KAZN: variants seen among roughly 807,000 people sequenced by gnomAD.
KAZN encodes the protein kazrin.
In KAZN, 40 loss-of-function variants were observed where a neutral mutation model predicts 87.4. The ratio of observed to expected loss-of-function variants is 0.46; its 90% CI spans 0.36 to 0.60. The LOEUF is 0.60. Among genes scored for constraint, KAZN ranks in the 20% least tolerant of loss-of-function variants. The pLI is 0.00. For synonymous variants in KAZN, 466 were observed against 458.3 expected (o/e 1.02, Z -0.22); for missense variants, 898 against 1,073.9 (o/e 0.84, Z 2.29).
intron 2 of KAZN, among the ~76,000 whole-genome samples, chr1:14,389,529 C>A (rs1359289439): frequency 6.6e-6 from 1 of 152,088 alleles, no homozygotes; most frequent in Non-Finnish European, 1.5e-5. Context: ...ATAAAAAGAA[C>A]AAGATCCTGT....
chr1:14,337,833 A>G (rs1657382071), intron 2 of KAZN, among the ~76,000 whole-genome samples: 1 of 147,630 alleles, frequency 6.8e-6, no homozygotes, highest in Non-Finnish European at 1.5e-5. Context: ...GGCGGAGGTT[A>G]TGATGAGCCA....
chr1:14,453,473 A>G (rs1251685375), intron 2 of KAZN, among the ~76,000 whole-genome samples: 3 of 152,200 alleles, frequency 2.0e-5, no homozygotes, highest in Admixed American at 2.0e-4. Flanking sequence ...AGTCTAAAAA[A>G]AGTACTACTC....
chr1:14,515,119 C>A (rs1671234570), intron 2 of KAZN, among the ~76,000 whole-genome samples: 1 of 152,138 alleles, frequency 6.6e-6, no homozygotes, highest in South Asian at 2.1e-4. Context: ...TTCCCTAAAT[C>A]CACCTGACAC....
chr1:13,931,163 A>G (rs12129390), intron 1 of KAZN, among the ~76,000 whole-genome samples: 14,293 of 152,276 alleles, frequency 0.094, 750 homozygotes, highest in Middle Eastern at 0.13. Context: ...GAAGAATTCA[A>G]TTTTGCCAAT....
chr1:14,685,091 G>A (rs1368083038), intron 1 of KAZN, among the ~76,000 whole-genome samples: 1 of 152,130 alleles, frequency 6.6e-6, no homozygotes, highest in Non-Finnish European at 1.5e-5. Flanking sequence ...TCTGAGACAA[G>A]GATTCAAGAA....
rs33992055 is a variant in KAZN at position 14,589,331 on chromosome 1, T to TA, written c.250-9638dup. Among the ~76,000 whole-genome samples, 33 of 146,866 alleles carry TA rather than the reference T, an allele frequency of 2.2e-4. No individual in the cohort carries two copies. The South Asian group carries it at 4.1e-3, about 18-fold the overall frequency. On this transcript the variant is annotated intron_variant, in intron 2 of 16. Coordinates refer to the KAZN transcript ENST00000636203. ...CCTCCTCAGCATAAAACAAGGCAGG[T>TA]AAAAAAAAAAAAAAGGGAGGGGGGG...
At chr1:14,424,626 C>T (rs985826969) in intron 2 of KAZN, among the ~76,000 whole-genome samples, 2 of 152,122 alleles carry the variant, frequency 1.3e-5, no homozygotes, top group Admixed American at 6.5e-5. Flanking sequence ...GTCCTAAAAG[C>T]TAGAAATGCC....
chr1:14,713,789 A>T (rs146885271), intron 1 of KAZN, among the ~76,000 whole-genome samples: 1 of 74,752 alleles, frequency 1.3e-5, no homozygotes, highest in Admixed American at 1.2e-4. Flanking sequence ...AAAAAAAAAA[A>T]AAAAAAAAAA....
At chr1:14,462,721 G>A (rs916380516) in intron 2 of KAZN, among the ~76,000 whole-genome samples, 2 of 152,184 alleles carry the variant, frequency 1.3e-5, no homozygotes, top group Non-Finnish European at 2.9e-5. Context: ...GATGGTGGAA[G>A]GCAAAGAGAG....
intron 1 of KAZN, among the ~76,000 whole-genome samples, chr1:14,140,060 A>C (rs1645203009): frequency 6.6e-6 from 1 of 152,048 alleles, no homozygotes. Context: ...GAAAGTCTTC[A>C]AAAATGAGTC....
chr1:14,767,082 C>T (rs1246589522), intron 1 of KAZN, among the ~76,000 whole-genome samples: 4 of 152,076 alleles, frequency 2.6e-5, no homozygotes, highest in African/African-American at 9.7e-5. Flanking sequence ...TGATCAGCAG[C>T]GAATGGGTAC....
intron 1 of KAZN, among the ~76,000 whole-genome samples, chr1:14,600,687 A>C (rs1317579381): frequency 1.4e-5 from 2 of 144,630 alleles, no homozygotes; most frequent in Non-Finnish European, 3.0e-5. Flanking sequence ...AAAAAAAAAA[A>C]AGACAGACTG....
intron 2 of KAZN, among the ~76,000 whole-genome samples, chr1:14,300,034 G>A (rs1311196214): frequency 6.6e-6 from 1 of 152,076 alleles, no homozygotes; most frequent in Non-Finnish European, 1.5e-5. Flanking sequence ...AACCAGTCCT[G>A]ACTAGAGGAG....
At chr1:14,946,338 CTCTCTT>C (rs1448846500) in intron 1 of KAZN, among the ~76,000 whole-genome samples, 1 of 128,302 alleles carries the variant, frequency 7.8e-6, no homozygotes, top group African/African-American at 4.0e-5. Context: ...TTTTTTAATT[CTCTCTT>C]TTTTTTTTTT....
chr1:14,610,695 T>G (rs920711021), intron 1 of KAZN, among the ~76,000 whole-genome samples: 35 of 152,004 alleles, frequency 2.3e-4, no homozygotes, highest in African/African-American at 8.5e-4. Context: ...TTTTTTTTTT[T>G]GTACTCTATA....
intron 2 of KAZN, among the ~76,000 whole-genome samples, chr1:14,535,615 A>G (rs1215746554): frequency 6.6e-6 from 1 of 152,042 alleles, no homozygotes; most frequent in African/African-American, 2.4e-5. Context: ...GCAGTAAGCC[A>G]AGATCACACC....
intron 1 of KAZN, among the ~76,000 whole-genome samples, chr1:14,698,787 G>T (rs978568330): frequency 6.6e-6 from 1 of 152,230 alleles, no homozygotes; most frequent in African/African-American, 2.4e-5. Context: ...GGAAAAGTTT[G>T]CTGAATTAAA....
At chr1:14,997,201 T>TTTCA (rs761257440) in intron 2 of KAZN, among the ~76,000 whole-genome samples, 1 of 137,408 alleles carries the variant, frequency 7.3e-6, no homozygotes, top group South Asian at 2.2e-4. Flanking sequence ...TCTTTCTTTC[T>TTTCA]TTCATTTATT....
rs770908451 is a variant in KAZN at position 15,065,617 on chromosome 1, C to T, written c.1099-13C>T. ...CTCCCCCACCCTCTTCCACGTGGCT[C>T]CTGACTCCTCAGTCACTAGAGGATC... is the stretch of plus-strand genomic sequence containing the variant. On this transcript the variant is annotated splice_polypyrimidine_tract_variant and intron_variant, in intron 7 of 14. Transcript: ENST00000376030. The T allele has an allele frequency of 6.3e-7, 1 of 1,599,962 alleles. No homozygotes were observed. The highest frequency in any genetic ancestry group is 8.5e-7 in the Non-Finnish European group (1 of 1,170,532).
Sources: gnomAD v4.1 joint callset for allele counts (sites outside exome capture counted in the v4.1 genomes callset) on GRCh38, gnomAD v4.1.1 for gene constraint, MANE v1.5 for transcripts, NCBI Gene and HGNC (gene_info 2026-07-23, HGNC 2026-07-21) for gene names.